KCNJ6: variants seen among roughly 807,000 people sequenced by gnomAD.
KCNJ6 encodes the protein potassium inwardly rectifying channel subfamily J member 6.
Under a neutral mutation model 34.2 loss-of-function variants are expected in KCNJ6, and 9 were observed. That is an observed-to-expected ratio of 0.26 (90% CI 0.16 to 0.46). KCNJ6 has a LOEUF of 0.46. Among genes scored for constraint, KCNJ6 ranks in the 20% least tolerant of loss-of-function variants. KCNJ6 has a pLI of 1.00. For missense variants in KCNJ6, 236 were observed against 531.3 expected (o/e 0.44, Z 5.46); for synonymous variants, 196 against 207.1 (o/e 0.95, Z 0.46).
chr21:37,795,048 G>A (rs1422362660), intron 2 of KCNJ6, among the ~76,000 whole-genome samples: 3 of 152,088 alleles, frequency 2.0e-5, no homozygotes, highest in Non-Finnish European at 4.4e-5. Context: ...GTATGAAGTA[G>A]GTAACCAAAA....
chr21:37,699,433 A>G (rs2054679220), intron 3 of KCNJ6, among the ~76,000 whole-genome samples: 1 of 152,132 alleles, frequency 6.6e-6, no homozygotes, highest in Non-Finnish European at 1.5e-5. Context: ...TTTTATTGAT[A>G]TGGATACCTC....
At chr21:37,880,513 A>G (rs1399041966) in intron 1 of KCNJ6, among the ~76,000 whole-genome samples, 1 of 152,240 alleles carries the variant, frequency 6.6e-6, no homozygotes, top group African/African-American at 2.4e-5. Context: ...CCAAACAAAG[A>G]AGTCCTGATT....
At chr21:37,905,192 C>T (rs2055835612) in intron 1 of KCNJ6, among the ~76,000 whole-genome samples, 1 of 152,174 alleles carries the variant, frequency 6.6e-6, no homozygotes. Flanking sequence ...TTCTATTACT[C>T]ATTTACTGCT....
At position 37,914,008 on chromosome 21, in the gene KCNJ6, GGTGTGTGTGTGTGTGTGT is replaced by G. The variant is rs371432862; in HGVS notation, c.-28+1858_-28+1875del. On this transcript the variant is annotated intron_variant, in intron 1 of 3. Transcript: ENST00000609713. ...GCAACCCTCGTCAGAGGCGGATCGG[GGTGTGTGTGTGTGTGTGT>G]GTGTGTGTGTGTGTGTGTGTGTGTC... 7.4e-5 allele frequency among the ~76,000 whole-genome samples: 10 copies of G among 135,584 alleles called. No individual in the cohort carries two copies. The South Asian group carries it at 7.8e-4, about 11-fold the overall frequency. 88.9% of individuals were successfully genotyped at this position (135,584 alleles called of 152,430 possible).
At chr21:37,718,795 C>T (rs1396682569) in intron 2 of KCNJ6, among the ~76,000 whole-genome samples, 1 of 152,056 alleles carries the variant, frequency 6.6e-6, no homozygotes, top group Non-Finnish European at 1.5e-5. Flanking sequence ...TGCACAGGTA[C>T]CCTAGAACTT....
Position 37,616,592 on chromosome 21 carries a change from TATATATATATATA to T in KCNJ6, c.*8554_*8566del, listed in dbSNP as rs2054268401. ...TTATGAAGCAGGAACAAAATGTACA[TATATATATATATA>T]TATATATATATGGTTAGACTCTGAA... On this transcript the variant is annotated 3_prime_UTR_variant, in exon 4 of 4. Transcript: ENST00000609713. 1.0e-5 allele frequency: 1 copy of T among 97,798 alleles called. No homozygotes were observed. Among genetic ancestry groups the T allele is most frequent in the African/African-American group, 4.1e-5 (1 of 24,662 alleles). 6.1% of individuals were successfully genotyped at this position (97,798 alleles called of 1,614,324 possible). A position where few individuals can be genotyped will look rare whatever the true frequency, so the allele number is the denominator to read the frequency against.
intron 2 of KCNJ6, among the ~76,000 whole-genome samples, chr21:37,754,237 C>A (rs917746436): frequency 5.9e-5 from 9 of 152,176 alleles, no homozygotes; most frequent in Non-Finnish European, 1.0e-4. Flanking sequence ...AATGAGGCTT[C>A]CCCAGAAAGG....
At chr21:37,771,858 A>G (rs1466102321) in intron 2 of KCNJ6, among the ~76,000 whole-genome samples, 1 of 152,186 alleles carries the variant, frequency 6.6e-6, no homozygotes, top group East Asian at 1.9e-4. Context: ...GTGGTGTTGA[A>G]GATAATTCTT....
chr21:37,771,415 G>C (rs944085820), intron 2 of KCNJ6, among the ~76,000 whole-genome samples: 2 of 152,180 alleles, frequency 1.3e-5, no homozygotes, highest in Non-Finnish European at 1.5e-5. Flanking sequence ...TGTTCTTCCA[G>C]ATGGCTTATC....
intron 2 of KCNJ6, among the ~76,000 whole-genome samples, chr21:37,769,727 T>G (rs2055108856): frequency 6.6e-6 from 1 of 152,164 alleles, no homozygotes; most frequent in Admixed American, 6.5e-5. Context: ...TGTTGAAACT[T>G]AATGGCCAAT....
chr21:37,748,933 G>A (rs919014896), intron 2 of KCNJ6, among the ~76,000 whole-genome samples: 1 of 152,254 alleles, frequency 6.6e-6, no homozygotes, highest in Admixed American at 6.5e-5. Flanking sequence ...TTTGCACTGT[G>A]CTGTCTTAAT....
At chr21:37,786,689 C>A (rs183710484) in intron 2 of KCNJ6, among the ~76,000 whole-genome samples, 10 of 152,300 alleles carry the variant, frequency 6.6e-5, no homozygotes, top group African/African-American at 2.4e-4. Context: ...AGTCTTACAG[C>A]GAGATTCAGC....
chr21:37,855,300 A>T (rs3827199), intron 1 of KCNJ6, among the ~76,000 whole-genome samples: 1 of 152,036 alleles, frequency 6.6e-6, no homozygotes. Flanking sequence ...TTTTTGGAGT[A>T]CGATGTGGTT....
chr21:37,647,613 A>T (rs1388701206), intron 3 of KCNJ6, among the ~76,000 whole-genome samples: 1 of 152,130 alleles, frequency 6.6e-6, no homozygotes, highest in Non-Finnish European at 1.5e-5. Context: ...CCCCAGAGTT[A>T]GGCCTCAAAC....
intron 3 of KCNJ6, among the ~76,000 whole-genome samples, chr21:37,662,810 G>A (rs917401461): frequency 1.3e-4 from 15 of 118,872 alleles, no homozygotes; most frequent in Non-Finnish European, 2.2e-4. Context: ...TCTGACTGGC[G>A]TGAGATGGTA....
intron 3 of KCNJ6, among the ~76,000 whole-genome samples, chr21:37,629,344 T>G (rs1419090872): frequency 2.0e-5 from 3 of 152,184 alleles, no homozygotes; most frequent in Non-Finnish European, 4.4e-5. Flanking sequence ...ATTAATAATA[T>G]TGGCTTGGTT....
At chr21:37,781,089 C>T (rs2055167231) in intron 2 of KCNJ6, among the ~76,000 whole-genome samples, 1 of 152,166 alleles carries the variant, frequency 6.6e-6, no homozygotes, top group South Asian at 2.1e-4. Flanking sequence ...GCACAGCACA[C>T]GCCGGCTGCT....
At chr21:37,895,178 A>G (rs1007167324) in intron 1 of KCNJ6, among the ~76,000 whole-genome samples, 1 of 152,226 alleles carries the variant, frequency 6.6e-6, no homozygotes, top group African/African-American at 2.4e-5. Flanking sequence ...AACCCAAATA[A>G]TAGCCCTGGG....
rs532281362 is a variant in KCNJ6, at chr21:37,817,132, T to C, written c.25+23526A>G. ...TAGCACCAACCTCACGGAACTGTTG[T>C]CAAGGTTAAACCTGGTAATACACAC... is the stretch of plus-strand genomic sequence containing the variant. On this transcript the variant is annotated intron_variant, in intron 2 of 3. Transcript: ENST00000609713. Among the ~76,000 whole-genome samples, 8 of 152,322 alleles carry C rather than the reference T, an allele frequency of 5.3e-5. No homozygotes were observed. In the South Asian group the frequency reaches 1.0e-3, roughly 20 times the overall value.
Sources: gnomAD v4.1 joint callset for allele counts (sites outside exome capture counted in the v4.1 genomes callset) on GRCh38, gnomAD v4.1.1 for gene constraint, MANE v1.5 for transcripts, NCBI Gene and HGNC (gene_info 2026-07-23, HGNC 2026-07-21) for gene names.